YPEL1: variants seen among roughly 807,000 people sequenced by gnomAD.
The protein encoded by YPEL1 is yippee like 1, also known as protein yippee-like 1.
Under a neutral mutation model 17.3 loss-of-function variants are expected in YPEL1, and 7 were observed. The observed-to-expected ratio is 0.40, with a 90% CI of 0.23 to 0.76. The LOEUF (loss-of-function observed/expected upper bound fraction) is 0.76, where lower values mean the gene tolerates loss of function less well. Ranked by LOEUF, YPEL1 falls within the 30% of genes least tolerant of loss-of-function variation. YPEL1 has a pLI of 0.35. For synonymous variants in YPEL1, 59 were observed against 59.6 expected (o/e 0.99, Z 0.05); for missense variants, 91 against 155.5 (o/e 0.59, Z 2.21).
At chr22:21,733,505 G>A (rs1416021200) in intron 1 of YPEL1, among the ~76,000 whole-genome samples, 2 of 152,096 alleles carry the variant, frequency 1.3e-5, no homozygotes, top group Admixed American at 6.6e-5. Flanking sequence ...AGGCAAGGGG[G>A]GAGGATCGCT....
intron 2 of YPEL1, among the ~76,000 whole-genome samples, chr22:21,710,189 G>A (rs2068151559): frequency 6.6e-6 from 1 of 152,092 alleles, no homozygotes; most frequent in Admixed American, 6.6e-5. Flanking sequence ...CTACACAACC[G>A]ACAAACGCAG....
At chr22:21,722,373 G>T (rs892510337) in intron 1 of YPEL1, among the ~76,000 whole-genome samples, 2 of 152,118 alleles carry the variant, frequency 1.3e-5, no homozygotes, top group Non-Finnish European at 2.9e-5. Flanking sequence ...CCGAGATCAC[G>T]CCACTGCACT....
At chr22:21,732,148 A>G (rs1274711816) in intron 1 of YPEL1, among the ~76,000 whole-genome samples, 1 of 152,220 alleles carries the variant, frequency 6.6e-6, no homozygotes, top group Admixed American at 6.5e-5. Context: ...GCATCTGTAT[A>G]GCAGGTGTAA....
Position 21,703,900 on chromosome 22 carries a change from C to G in YPEL1, c.118-18G>C. 6.3e-7 allele frequency: 1 copy of G among 1,587,194 alleles called. No individual in the cohort carries two copies. Among genetic ancestry groups the G allele is most frequent in the Non-Finnish European group, 8.6e-7 (1 of 1,167,352 alleles). On this transcript the variant is annotated intron_variant, in intron 2 of 4. Transcript: ENST00000339468. This position sits in a 1 kb window ranked among gnomAD's most constrained non-coding sequence, Gnocchi z 6.1. ...TGAAAGGACTGAAAGAAGAAGGTCC[C>G]GTGAGATTGGCTGCGAGTGCTTTCT...
intron 1 of YPEL1, among the ~76,000 whole-genome samples, chr22:21,729,907 G>A (rs554130503): frequency 6.6e-6 from 1 of 152,242 alleles, no homozygotes; most frequent in East Asian, 1.9e-4. Flanking sequence ...CAGCACTTTA[G>A]GAGGCCGAGA....
In YPEL1 at chr22:21,703,446, C is replaced by G; in HGVS notation, c.194G>C (p.Arg65Thr). The change falls in exon 4 of 5, where the codon AGG becomes ACG. Residue 65 changes from arginine (R) to threonine (T), a missense_variant. Arg to Thr is a moderately conservative substitution (Grantham distance 71, BLOSUM62 -1). Coordinates refer to ENST00000339468, the MANE Select transcript of YPEL1 (RefSeq NM_013313.5). The surrounding 1 kb of genome is among the most constrained non-coding windows in gnomAD (Gnocchi z 6.1). Reference protein sequence around the residue: ...VNVGCGPAEERVLLTGLHAVA... With the variant: ...VNVGCGPAEETVLLTGLHAVA... ...CGCATGCAGCCCGGTGAGAAGGACCCTCTCCTCTGCAGGGCCGCAGCCCAC... is the reference window on the plus strand; with the variant it reads ...CGCATGCAGCCCGGTGAGAAGGACCGTCTCCTCTGCAGGGCCGCAGCCCAC... 6.2e-7 allele frequency: 1 copy of G among 1,612,262 alleles called. No individual in the cohort carries two copies. The highest frequency in any genetic ancestry group is 8.5e-7 in the Non-Finnish European group (1 of 1,179,984).
chr22:21,709,538 G>A (rs1385521106), intron 2 of YPEL1, among the ~76,000 whole-genome samples: 4 of 152,242 alleles, frequency 2.6e-5, no homozygotes, highest in Middle Eastern at 3.4e-3. Flanking sequence ...CACTTTGGGA[G>A]GCCAAGGCAG....
chr22:21,710,921 C>G lies in YPEL1; in HGVS notation c.-164-13G>C. The G allele has an allele frequency of 3.1e-6, 2 of 647,126 alleles. No homozygotes were observed. The highest frequency in any genetic ancestry group is 5.6e-6 in the Non-Finnish European group (2 of 357,882). 40.1% of individuals were successfully genotyped at this position (647,126 alleles called of 1,614,324 possible). Reference sequence around the variant, plus strand: ...AGAAAAACGTAACCTGCCAACCAATCAGACAAAGTGGTGGGTTACAGAGAG... The same window carrying G: ...AGAAAAACGTAACCTGCCAACCAATGAGACAAAGTGGTGGGTTACAGAGAG... On this transcript the variant is annotated splice_polypyrimidine_tract_variant and intron_variant, in intron 1 of 4. Transcript: ENST00000339468.
chr22:21,708,212 G>A (rs1291528829), intron 2 of YPEL1, among the ~76,000 whole-genome samples: 1 of 151,964 alleles, frequency 6.6e-6, no homozygotes, highest in African/African-American at 2.4e-5. Context: ...CATCACCCAT[G>A]GAGGCACGAG....
Position 21,698,590 on chromosome 22 carries a change from G to A in YPEL1, c.*2539C>T, listed in dbSNP as rs572920750. Reference sequence around the variant, plus strand: ...CTGGGTTCCCACATGGGAGAGGAATGAAGACTCACTCAAAGGGAAGGGTCA... The same window carrying A: ...CTGGGTTCCCACATGGGAGAGGAATAAAGACTCACTCAAAGGGAAGGGTCA... On this transcript the variant is annotated 3_prime_UTR_variant, in exon 5 of 5. Coordinates refer to ENST00000339468, the MANE Select transcript of YPEL1 (RefSeq NM_013313.5). 2.6e-5 allele frequency: 4 copies of A among 152,500 alleles called. No homozygotes were observed. In the East Asian group the frequency reaches 5.6e-4, roughly 21 times the overall value. The allele number at this position is 152,500 out of a possible 1,614,324, so 9.4% of individuals were successfully genotyped here.
Position 21,721,453 on chromosome 22 carries a change from T to G in YPEL1, c.-164-10545A>C, listed in dbSNP as rs1349325563. Among the ~76,000 whole-genome samples, 4 of 150,078 alleles carry G rather than the reference T, an allele frequency of 2.7e-5. No homozygotes were observed. The East Asian group carries it at 7.8e-4, about 29-fold the overall frequency. ...TTTTTTTTTTTTTTGAGACAGAGTC[T>G]CGTTCTGTCACTCAGGCTGGAGTAC... On this transcript the variant is annotated intron_variant, in intron 1 of 4. Coordinates refer to ENST00000339468, the MANE Select transcript of YPEL1 (RefSeq NM_013313.5).
chr22:21,709,003 AC>A (rs1288331220), intron 2 of YPEL1, among the ~76,000 whole-genome samples: 1 of 152,000 alleles, frequency 6.6e-6, no homozygotes, highest in African/African-American at 2.4e-5. Context: ...CTCATTGATG[AC>A]CTCCAGGCTG....
At chr22:21,730,662 C>T (rs1002974215) in intron 1 of YPEL1, among the ~76,000 whole-genome samples, 8 of 152,258 alleles carry the variant, frequency 5.3e-5, no homozygotes, top group African/African-American at 1.7e-4. Context: ...CATCCACTTC[C>T]TCCCTACTTG....
At chr22:21,717,056 A>ATCTT (rs2068230556) in intron 1 of YPEL1, among the ~76,000 whole-genome samples, 1 of 152,152 alleles carries the variant, frequency 6.6e-6, no homozygotes, top group African/African-American at 2.4e-5. Flanking sequence ...ACGTCAGAAT[A>ATCTT]AATTATGCTG....
intron 1 of YPEL1, 128 bp downstream of exon 1, chr22:21,735,487 C>A (rs2068427482): frequency 1.3e-5 from 2 of 152,322 alleles, no homozygotes; most frequent in African/African-American, 4.8e-5. Context: ...CACAGGCCCG[C>A]CCTGCTCGCG....
At chr22:21,715,786 A>T (rs2068217702) in intron 1 of YPEL1, among the ~76,000 whole-genome samples, 1 of 94,530 alleles carries the variant, frequency 1.1e-5, no homozygotes, top group Non-Finnish European at 2.3e-5. Context: ...TTTTTGAGAC[A>T]GAGTTTCGCT....
chr22:21,711,823 T>C (rs1189206871), intron 1 of YPEL1, among the ~76,000 whole-genome samples: 3 of 152,210 alleles, frequency 2.0e-5, no homozygotes, highest in African/African-American at 7.2e-5. Flanking sequence ...ATCTCTTGGA[T>C]ACGATACCAA....
chr22:21,724,082 G>A (rs1388460165), intron 1 of YPEL1, among the ~76,000 whole-genome samples: 1 of 152,154 alleles, frequency 6.6e-6, no homozygotes, highest in African/African-American at 2.4e-5. Context: ...CTTCCATTGA[G>A]TGAAAAGTGA....
intron 1 of YPEL1, among the ~76,000 whole-genome samples, 158 bp from the exon 2 acceptor site, chr22:21,711,066 C>T (rs898260867): frequency 2.0e-5 from 3 of 151,488 alleles, no homozygotes; most frequent in African/African-American, 7.3e-5. Context: ...CTCTGTTGCC[C>T]AGGCTGGAGT....
Sources: gnomAD v4.1 joint callset for allele counts (sites outside exome capture counted in the v4.1 genomes callset) on GRCh38, gnomAD v4.1.1 for gene constraint, Gnocchi (gnomAD v3.1) non-coding constraint, MANE v1.5 for transcripts, NCBI Gene and HGNC (gene_info 2026-07-23, HGNC 2026-07-21) for gene names.